Variants in CTDP1 observed in about 807,000 individuals in gnomAD.
The protein encoded by CTDP1 is CTD phosphatase 1.
Under a neutral mutation model 91.8 loss-of-function variants are expected in CTDP1, and 47 were observed. The observed-to-expected ratio is 0.51, with a 90% confidence interval of 0.41 to 0.65. The LOEUF (loss-of-function observed/expected upper bound fraction) is 0.65. Ranked by LOEUF, CTDP1 falls within the 30% of genes least tolerant of loss-of-function variation. CTDP1 has a pLI of 0.00. For synonymous variants in CTDP1, 656 were observed against 598.5 expected (o/e 1.10, Z -1.40); for missense variants, 1,272 against 1,373.7 (o/e 0.93, Z 1.17).
chr18:79,715,454 C>T lies in CTDP1; in HGVS notation c.1994C>T (p.Ala665Val). The T allele has an allele frequency of 6.3e-7, 1 of 1,589,946 alleles. No individual in the cohort carries two copies. The highest frequency in any genetic ancestry group is 8.6e-7 in the Non-Finnish European group (1 of 1,168,686). The change falls in exon 8 of 13, where the codon GCG (alanine) becomes GTG (valine). Residue 665 changes from alanine to valine, a missense_variant. Physicochemically the swap from Ala to Val is moderately conservative, Grantham distance 64. Coordinates refer to ENST00000613122, the MANE Select transcript of CTDP1 (RefSeq NM_004715.5). Reference sequence around the variant, plus strand: ...CATTACCACGCCACGGCGCTGGGAGCGAAGATCCTCACTCGGCTGGTGCTG... The same window carrying T: ...CATTACCACGCCACGGCGCTGGGAGTGAAGATCCTCACTCGGCTGGTGCTG... The part of the protein sequence containing the change: ...REHYHATALG[A>V]KILTRLVLSP...
chr18:79,682,440 T>C lies in CTDP1; in HGVS notation c.314+2179T>C, dbSNP rs752772242. ...CTCCATAGAGAGTTGCAGGTAGAAATCTCCGCAGCTTTTGCTTAAAGCCAA... is the reference window on the plus strand; with the variant it reads ...CTCCATAGAGAGTTGCAGGTAGAAACCTCCGCAGCTTTTGCTTAAAGCCAA... On this transcript the variant is annotated intron_variant, in intron 1 of 12. Transcript: ENST00000613122. Among the ~76,000 whole-genome samples, 61 of 152,198 alleles carry C rather than the reference T, an allele frequency of 4.0e-4. 1 individual carries two copies. The highest frequency in any genetic ancestry group is 3.3e-3 in the Admixed American group (50 of 15,278).
At chr18:79,755,576 ATGC>A (rs1156622679), downstream of CTDP1, 1 of 152,680 alleles carries the variant, frequency 6.5e-6, no homozygotes, top group Admixed American at 6.5e-5. Context: ...CGAGGCCTTG[ATGC>A]TGTGTGGAGA....
At chr18:79,736,652 C>T in intron 12 of CTDP1, 131 bp downstream of exon 12, 3 of 939,818 alleles carry the variant, frequency 3.2e-6, no homozygotes, top group Non-Finnish European at 4.6e-6. Context: ...CAGCAGCTTC[C>T]AAACTCAGCA....
intron 2 of CTDP1, among the ~76,000 whole-genome samples, chr18:79,695,692 T>C (rs1323512590): frequency 1.3e-5 from 2 of 152,174 alleles, no homozygotes; most frequent in African/African-American, 2.4e-5. Flanking sequence ...TTTTTCTGCG[T>C]TTTCATGGTT....
intron 5 of CTDP1, among the ~76,000 whole-genome samples, chr18:79,709,333 C>A (rs1443814300): frequency 6.6e-6 from 1 of 152,092 alleles, no homozygotes; most frequent in Non-Finnish European, 1.5e-5. Flanking sequence ...GAAGACTTTG[C>A]AAACTTAGGA....
intron 1 of CTDP1, among the ~76,000 whole-genome samples, chr18:79,682,544 C>A (rs1007376359): frequency 2.6e-5 from 4 of 152,236 alleles, no homozygotes; most frequent in Non-Finnish European, 5.9e-5. Context: ...CCTCGAACAA[C>A]TTGCTTTGGT....
At chr18:79,716,104 A>G (rs2086202612) in intron 8 of CTDP1, among the ~76,000 whole-genome samples, 1 of 152,222 alleles carries the variant, frequency 6.6e-6, no homozygotes, top group African/African-American at 2.4e-5. Flanking sequence ...CGGTGCTTAA[A>G]AAACCCAAAT....
chr18:79,689,350 T>TA (rs781609440), intron 1 of CTDP1, among the ~76,000 whole-genome samples: 73 of 152,222 alleles, frequency 4.8e-4, no homozygotes, highest in Admixed American at 2.4e-3. Flanking sequence ...ACCACATAAA[T>TA]ACATTTGCAC....
At chr18:79,740,250 G>A (rs1010685774) in intron 12 of CTDP1, among the ~76,000 whole-genome samples, 1 of 152,168 alleles carries the variant, frequency 6.6e-6, no homozygotes, top group African/African-American at 2.4e-5. Context: ...TGCCGTTTGC[G>A]GATCGCTGTG....
chr18:79,682,912 C>T (rs2085404392), intron 1 of CTDP1: 1 of 152,248 alleles, frequency 6.6e-6, no homozygotes, highest in African/African-American at 2.4e-5. Flanking sequence ...ATCCCTGCGA[C>T]GCCTCTGGGA....
At chr18:79,733,396 G>A (rs866776150) in intron 11 of CTDP1, among the ~76,000 whole-genome samples, 2 of 152,358 alleles carry the variant, frequency 1.3e-5, no homozygotes, top group Middle Eastern at 3.4e-3. Flanking sequence ...ATGGAACTGC[G>A]GGGAAGGGAA....
chr18:79,743,071 G>T (rs913109686), intron 12 of CTDP1, among the ~76,000 whole-genome samples: 2 of 152,248 alleles, frequency 1.3e-5, no homozygotes, highest in African/African-American at 4.8e-5. Flanking sequence ...AATGACAGCA[G>T]ATGGTGACTG....
chr18:79,717,136 G>A (rs1048336081), intron 8 of CTDP1, among the ~76,000 whole-genome samples: 4 of 150,262 alleles, frequency 2.7e-5, no homozygotes, highest in Non-Finnish European at 4.4e-5. Flanking sequence ...GGTACAGCTG[G>A]GTGAAGGCCC....
At chr18:79,716,744 C>T (rs941647380) in intron 8 of CTDP1, among the ~76,000 whole-genome samples, 17 of 152,274 alleles carry the variant, frequency 1.1e-4, no homozygotes, top group Non-Finnish European at 1.9e-4. Context: ...CCTTCTCTCG[C>T]ATTCCTTCCT....
chr18:79,727,518 T>G (rs1024867587), intron 10 of CTDP1, among the ~76,000 whole-genome samples: 4 of 152,114 alleles, frequency 2.6e-5, no homozygotes, highest in Non-Finnish European at 5.9e-5. Flanking sequence ...GTTCGTGGGA[T>G]GGGAAGCGCG....
intron 12 of CTDP1, among the ~76,000 whole-genome samples, chr18:79,747,483 C>A (rs1235378145): frequency 6.6e-6 from 1 of 152,226 alleles, no homozygotes; most frequent in Non-Finnish European, 1.5e-5. Flanking sequence ...CTCTTGCCGC[C>A]TGCTTTCCTT....
chr18:79,680,232 C>A lies in CTDP1; in HGVS notation c.285C>A (p.Cys95Ter), dbSNP rs887043576. ...SERAGVVREL[C>*]AQPGQVVAPG... The stretch of plus-strand genomic sequence containing the variant: ...GCGCGGGCGTGGTGCGGGAGCTGTG[C>A]GCGCAGCCGGGCCAGGTGGTCGCCC... Residue 95 changes from cysteine (C) to a stop codon, truncating the protein, a stop_gained, in exon 1 of 13, where the codon TGC (cysteine) becomes TGA (stop). Transcript: ENST00000613122. LOFTEE classifies it high-confidence loss of function. 1 of 1,319,786 alleles carries A rather than the reference C, an allele frequency of 7.6e-7. No homozygotes were observed. Among genetic ancestry groups the A allele is most frequent in the Non-Finnish European group, 9.6e-7 (1 of 1,040,006 alleles). The allele number at this position is 1,319,786 out of a possible 1,614,324, so 81.8% of individuals were successfully genotyped here. A position where few individuals can be genotyped will look rare whatever the true frequency, so the allele number is the denominator to read the frequency against.
Position 79,715,131 on chromosome 18 carries a change from G to A in CTDP1, c.1671G>A (p.Glu557=), listed in dbSNP as rs1164039746. 6.2e-7 allele frequency: 1 copy of A among 1,613,502 alleles called. No individual in the cohort carries two copies. The highest frequency in any genetic ancestry group is 8.5e-7 in the Non-Finnish European group (1 of 1,179,988). Residue 557 remains glutamate, a synonymous_variant, in exon 8 of 13, where the codon GAG becomes GAA. Transcript: ENST00000613122. The stretch of plus-strand genomic sequence containing the variant: ...CCGACAGGAAGGAGGCGGAGACCGA[G>A]TCACAGAACAGCGAGCTGTCGGGGG... ...GCADRKEAET[E]SQNSELSGVT...
rs931445557 is a variant in CTDP1, at chr18:79,680,299, G to C, written c.314+38G>C. On this transcript the variant is annotated intron_variant, in intron 1 of 12. Transcript: ENST00000613122. ...AGCCGGGCGGGGCCGAGGGCGGGCG[G>C]CTCCGGGGAGGGATCCTGGAGGACC... 3 of 1,238,422 alleles carry C rather than the reference G, an allele frequency of 2.4e-6. No homozygotes were observed. The Admixed American group carries it at 1.3e-4, about 53-fold the overall frequency. 76.7% of individuals were successfully genotyped at this position (1,238,422 alleles called of 1,614,324 possible).
Sources: gnomAD v4.1 joint callset for allele counts (sites outside exome capture counted in the v4.1 genomes callset) on GRCh38, gnomAD v4.1.1 for gene constraint, MANE v1.5 for transcripts, NCBI Gene and HGNC (gene_info 2026-07-23, HGNC 2026-07-21) for gene names.